The following PCDHGB5 variants were observed in gnomAD, a reference collection of about 807,000 sequenced individuals.
The protein encoded by PCDHGB5 is protocadherin gamma-B5.
Under a neutral mutation model 62.9 loss-of-function variants are expected in PCDHGB5, and 48 were observed. That is an observed-to-expected ratio of 0.76 (90% CI 0.61 to 0.97). The LOEUF (loss-of-function observed/expected upper bound fraction) is 0.97. Ranked by LOEUF, PCDHGB5 falls within the 50% of genes least tolerant of loss-of-function variation. PCDHGB5 has a pLI of 0.00. For synonymous variants in PCDHGB5, 474 were observed against 511.2 expected (o/e 0.93, Z 0.98); for missense variants, 1,118 against 1,198.6 (o/e 0.93, Z 0.99).
intron 1 of PCDHGB5, among the ~76,000 whole-genome samples, chr5:141,434,259 G>A (rs1452016594): frequency 6.6e-6 from 1 of 152,230 alleles, no homozygotes; most frequent in Non-Finnish European, 1.5e-5. Flanking sequence ...CATTGTGGGG[G>A]AGGTGGAAAT....
chr5:141,412,963 G>T, intron 1 of PCDHGB5: 1 of 518,228 alleles, frequency 1.9e-6, no homozygotes, highest in East Asian at 3.1e-5. Context: ...TCACCTACTA[G>T]GAGAGAAAAC....
intron 1 of PCDHGB5, chr5:141,408,864 C>T: frequency 1.2e-6 from 2 of 1,613,638 alleles, no homozygotes; most frequent in Non-Finnish European, 8.5e-7. Context: ...GGGGACCCAC[C>T]AAGAAGTGCC....
At chr5:141,478,794 G>A in intron 1 of PCDHGB5, 1 of 1,468,126 alleles carries the variant, frequency 6.8e-7, no homozygotes, top group Non-Finnish European at 9.0e-7. Flanking sequence ...CACATCCTCA[G>A]CACTCTTTTG....
At position 141,477,966 on chromosome 5, in the gene PCDHGB5, G is replaced by T; in HGVS notation, c.2398-16841G>T. 1 of 1,614,118 alleles carries T rather than the reference G, an allele frequency of 6.2e-7. No individual in the cohort carries two copies. The highest frequency in any genetic ancestry group is 8.5e-7 in the Non-Finnish European group (1 of 1,180,036). On this transcript the variant is annotated intron_variant, in intron 1 of 3. Coordinates refer to ENST00000617380, the MANE Select transcript of PCDHGB5 (RefSeq NM_018925.3). This position sits in a 1 kb window ranked among gnomAD's most constrained non-coding sequence, Gnocchi z 4.9. ...AGTCTCTTGGGATCCCCTAACCAGA[G>T]CCTTTTTGCCATAGGGCTGCACACT...
intron 2 of PCDHGB5, among the ~76,000 whole-genome samples, chr5:141,502,827 A>G (rs1003204508): frequency 2.7e-5 from 4 of 150,478 alleles, no homozygotes; most frequent in African/African-American, 9.8e-5. Flanking sequence ...TCCTTGGGGA[A>G]GCCTGGACTG....
chr5:141,444,341 T>C (rs909401337), intron 1 of PCDHGB5, among the ~76,000 whole-genome samples: 2 of 151,892 alleles, frequency 1.3e-5, no homozygotes, highest in African/African-American at 4.8e-5. Context: ...CCAGCTAATT[T>C]TGTATTTTTA....
chr5:141,509,872 G>T (rs968745661), intron 3 of PCDHGB5, among the ~76,000 whole-genome samples: 16 of 152,166 alleles, frequency 1.1e-4, no homozygotes, highest in Non-Finnish European at 1.5e-5. Context: ...CCAAGCTGCT[G>T]GTGGTGATGG....
At chr5:141,453,922 T>C (rs2098777315) in intron 1 of PCDHGB5, among the ~76,000 whole-genome samples, 1 of 152,230 alleles carries the variant, frequency 6.6e-6, no homozygotes, top group African/African-American at 2.4e-5. Context: ...CAGTGATCAG[T>C]CACTGTGTGC....
chr5:141,485,245 G>C lies in PCDHGB5; in HGVS notation c.2398-9562G>C. 1 of 1,614,188 alleles carries C rather than the reference G, an allele frequency of 6.2e-7. No individual in the cohort carries two copies. Among genetic ancestry groups the C allele is most frequent in the Non-Finnish European group, 8.5e-7 (1 of 1,180,008 alleles). On this transcript the variant is annotated intron_variant, in intron 1 of 3. Coordinates refer to ENST00000617380, the MANE Select transcript of PCDHGB5 (RefSeq NM_018925.3). This position sits in a 1 kb window ranked among gnomAD's most constrained non-coding sequence, Gnocchi z 5.7. The stretch of plus-strand genomic sequence containing the variant: ...CCCTTTTGTTCCTCTTTTACCACCT[G>C]GGTTACGTTTGTGGGCAGATCCGCT...
Position 141,486,914 on chromosome 5 carries a change from C to T in PCDHGB5, c.2398-7893C>T, listed in dbSNP as rs1469857080. On this transcript the variant is annotated intron_variant, in intron 1 of 3. Coordinates refer to ENST00000617380, the MANE Select transcript of PCDHGB5 (RefSeq NM_018925.3). This position sits in a 1 kb window ranked among gnomAD's most constrained non-coding sequence, Gnocchi z 5.0. ...TGGTTCCTTATGTCCCCAAGCACTG[C>T]CTCCATCAGTTGGTGCTGGCCACCT... The T allele has an allele frequency of 6.2e-7, 1 of 1,614,236 alleles. No individual in the cohort carries two copies.
intron 1 of PCDHGB5, chr5:141,419,863 G>T (rs1416582920): frequency 6.2e-7 from 1 of 1,614,108 alleles, no homozygotes; most frequent in Non-Finnish European, 8.5e-7. Flanking sequence ...CAGATAGCTT[G>T]CAAGAGGTAC....
rs982627903 is a variant in PCDHGB5, at chr5:141,421,421, T to C, written c.2397+20897T>C. ...CCCCGGGAGCTGGCGAAGCGCGGAGTCCGCATCGTCTCCAGAGGGAAGACA... is the reference window on the plus strand; with the variant it reads ...CCCCGGGAGCTGGCGAAGCGCGGAGCCCGCATCGTCTCCAGAGGGAAGACA... On this transcript the variant is annotated intron_variant, in intron 1 of 3. Coordinates refer to ENST00000617380, the MANE Select transcript of PCDHGB5 (RefSeq NM_018925.3). The C allele has an allele frequency of 6.2e-7, 1 of 1,613,994 alleles. No individual in the cohort carries two copies. The highest frequency in any genetic ancestry group is 1.3e-5 in the African/African-American group (1 of 75,052).
intron 1 of PCDHGB5, chr5:141,410,343 G>C: frequency 6.2e-7 from 1 of 1,613,964 alleles, no homozygotes; most frequent in Non-Finnish European, 8.5e-7. Flanking sequence ...ATTGCCTTGC[G>C]CCTGCGACGC....
At chr5:141,455,208 A>G (rs1450523873) in intron 1 of PCDHGB5, among the ~76,000 whole-genome samples, 1 of 151,996 alleles carries the variant, frequency 6.6e-6, no homozygotes, top group Non-Finnish European at 1.5e-5. Context: ...AACCAATAAG[A>G]GTTTTTAATG....
chr5:141,450,207 A>AAGG (rs1164364390), intron 1 of PCDHGB5, among the ~76,000 whole-genome samples: 13 of 151,832 alleles, frequency 8.6e-5, no homozygotes, highest in Non-Finnish European at 1.8e-4. Flanking sequence ...TAGTAGAGAC[A>AAGG]AGGTTTCACT....
intron 1 of PCDHGB5, among the ~76,000 whole-genome samples, chr5:141,475,518 T>C (rs963473660): frequency 1.3e-5 from 2 of 152,356 alleles, no homozygotes; most frequent in East Asian, 1.9e-4. Flanking sequence ...TCCACGGAAA[T>C]GCTAAATGCC....
At chr5:141,461,051 A>G (rs1238514064) in intron 1 of PCDHGB5, among the ~76,000 whole-genome samples, 1 of 151,734 alleles carries the variant, frequency 6.6e-6, no homozygotes, top group East Asian at 1.9e-4. Flanking sequence ...ATGGGGACTT[A>G]GGTTGGTTTC....
chr5:141,484,068 G>C (rs1287427208), intron 1 of PCDHGB5, among the ~76,000 whole-genome samples: 1 of 152,114 alleles, frequency 6.6e-6, no homozygotes, highest in African/African-American at 2.4e-5. Flanking sequence ...TAAGTGAAAA[G>C]CTTGCTCTTT....
At chr5:141,496,373 C>T (rs1315450867) in intron 2 of PCDHGB5, among the ~76,000 whole-genome samples, 2 of 152,216 alleles carry the variant, frequency 1.3e-5, no homozygotes. Flanking sequence ...GAAGCAGGAG[C>T]TTGGGCCACC....
Sources: gnomAD v4.1 joint callset for allele counts (sites outside exome capture counted in the v4.1 genomes callset) on GRCh38, gnomAD v4.1.1 for gene constraint, Gnocchi (gnomAD v3.1) non-coding constraint, MANE v1.5 for transcripts, NCBI Gene and HGNC (gene_info 2026-07-23, HGNC 2026-07-21) for gene names.